TTN: variants seen among roughly 807,000 people sequenced by gnomAD.
The protein encoded by TTN is connectin.
TTN carries 1,525 observed loss-of-function variants against 3,223.0 expected under a neutral mutation model. The ratio of observed to expected loss-of-function variants is 0.47; its 90% CI spans 0.45 to 0.49. TTN has a LOEUF of 0.49. Among genes scored for constraint, TTN ranks in the 20% least tolerant of loss-of-function variants. The pLI is 0.00. For synonymous variants in TTN, 14,094 were observed against 15,161.0 expected (o/e 0.93, Z 5.17); for missense variants, 40,786 against 43,424.0 (o/e 0.94, Z 5.40).
intron 112 of TTN, among the ~76,000 whole-genome samples, chr2:178,697,678 C>T (rs1577584814): frequency 6.6e-6 from 1 of 152,268 alleles, no homozygotes; most frequent in Middle Eastern, 3.4e-3. Context: ...GGTTGCTGTA[C>T]TCTAATCTTA....
Position 178,739,722 on chromosome 2 carries a change from T to C in TTN, c.13511A>G (p.Gln4504Arg). Residue 4504 changes from glutamine to arginine, a missense_variant, in exon 48 of 363, where the codon CAA (glutamine) becomes CGA (arginine). Coordinates refer to ENST00000589042, the MANE Select transcript of TTN (RefSeq NM_001267550.2). Reference sequence around the variant, plus strand: ...ACCTGAAAAAGAATCCATTTCTTCTTGCAAACTTGTTTTGGCTCCTTGCTG... The same window carrying C: ...ACCTGAAAAAGAATCCATTTCTTCTCGCAAACTTGTTTTGGCTCCTTGCTG... ...RIQQGAKTSLQEEMDSFSGSQ... is the reference protein window; with the variant it reads ...RIQQGAKTSLREEMDSFSGSQ... 1.9e-6 allele frequency: 3 copies of C among 1,613,944 alleles called. No individual in the cohort carries two copies. Among genetic ancestry groups the C allele is most frequent in the Non-Finnish European group, 2.5e-6 (3 of 1,179,848 alleles).
rs759948047 is a variant in TTN at position 178,777,139 on chromosome 2, C to T, written c.4814+10G>A. The T allele has an allele frequency of 1.2e-6, 2 of 1,614,042 alleles. No homozygotes were observed. The highest frequency in any genetic ancestry group is 1.1e-5 in the South Asian group (1 of 91,080). On this transcript the variant is annotated intron_variant, in intron 27 of 362. Coordinates refer to ENST00000589042, the MANE Select transcript of TTN (RefSeq NM_001267550.2). ...TATAATGAGCTTAGCTTTATTATTT[C>T]CATACTTACCTGATTTTGGGATATT...
At chr2:178,594,284 T>A (rs776055083) in intron 296 of TTN, 42 bp from the exon 297 acceptor site, 1 of 1,596,436 alleles carries the variant, frequency 6.3e-7, no homozygotes, top group Non-Finnish European at 8.5e-7. Flanking sequence ...TTTATTGATG[T>A]CTTATTACAA....
chr2:178,782,556 A>C lies in TTN; in HGVS notation c.3147T>G (p.Phe1049Leu). 2 of 1,614,024 alleles carry C rather than the reference A, an allele frequency of 1.2e-6. No individual in the cohort carries two copies. Among genetic ancestry groups the C allele is most frequent in the Non-Finnish European group, 1.7e-6 (2 of 1,179,952 alleles). ...TATTTTACCGTTTCTCTTCTGTAGT[A>C]AATTTCTCAGTCACGGCTGTGGTTT... Reference protein sequence around the residue: ...EKETTAVTEKFTTEEKRFVES... With the variant: ...EKETTAVTEKLTTEEKRFVES... Residue 1049 changes from phenylalanine to leucine, a missense_variant, in exon 19 of 363, where the codon TTT becomes TTG. Coordinates refer to ENST00000589042, the MANE Select transcript of TTN (RefSeq NM_001267550.2).
Position 178,740,886 on chromosome 2 carries a change from G to A in TTN, c.12347C>T (p.Ser4116Phe). ...AGTGAGCTTGTCTTGCTCCAAAATG[G>A]ATTGCAATTCCTGAGCTCCCAAAGG... The part of the protein sequence containing the change: ...QLPLGAQELQ[S>F]ILEQDKLTPE... The change falls in exon 48 of 363, where the codon TCC becomes TTC. Residue 4116 changes from serine to phenylalanine, a missense_variant. Ser to Phe is a radical substitution (Grantham distance 155). Coordinates refer to ENST00000589042, the MANE Select transcript of TTN (RefSeq NM_001267550.2). The A allele has an allele frequency of 6.2e-7, 1 of 1,613,892 alleles. No homozygotes were observed. The highest frequency in any genetic ancestry group is 8.5e-7 in the Non-Finnish European group (1 of 1,179,832).
chr2:178,609,135 C>G (rs371944210), intron 273 of TTN, 73 bp downstream of exon 273: 3 of 1,418,506 alleles, frequency 2.1e-6, no homozygotes, highest in East Asian at 2.6e-5. Context: ...TCTTTTAACT[C>G]TCTCCCAAAC....
intron 49 of TTN, among the ~76,000 whole-genome samples, chr2:178,736,814 C>T (rs2154315142): frequency 6.6e-6 from 1 of 152,270 alleles, no homozygotes; most frequent in Admixed American, 6.5e-5. Flanking sequence ...GACATTTTGA[C>T]CAGAGTGAAA....
Position 178,740,152 on chromosome 2 carries a change from T to C in TTN, c.13081A>G (p.Arg4361Gly). 6.2e-7 allele frequency: 1 copy of C among 1,613,826 alleles called. No individual in the cohort carries two copies. ...MPPDQIIESK[R>G]EPVAIKKVQE... is the part of the protein sequence containing the mutation. The stretch of plus-strand genomic sequence containing the variant: ...ACTTTCTTTATTGCCACGGGCTCTC[T>C]TTTAGACTCAATGATTTGGTCTGGG... Residue 4361 changes from arginine to glycine, a missense_variant, in exon 48 of 363, where the codon AGA becomes GGA. Transcript: ENST00000589042.
intron 126 of TTN, 127 bp from the exon 127 acceptor site, chr2:178,688,351 CA>C: frequency 1.2e-6 from 1 of 843,512 alleles, no homozygotes; most frequent in Non-Finnish European, 1.9e-6. Flanking sequence ...GGTACTTCCT[CA>C]CTATAAGAAG....
rs1204851576 is a variant in TTN, at chr2:178,530,341, C to G, written c.106274G>C (p.Gly35425Ala). The G allele has an allele frequency of 6.2e-7, 1 of 1,613,888 alleles. No homozygotes were observed. ...PISSKPVIVT[G>A]LQDTTVSSDS... ...TGAAGAAACAGTTGTATCCTGCAAC[C>G]CAGTAACAATTACTGGTTTTGAGGA... is the stretch of plus-strand genomic sequence containing the variant. Residue 35425 changes from glycine to alanine, a missense_variant, in exon 358 of 363, where the codon GGG becomes GCG. Transcript: ENST00000589042.
Position 178,672,240 on chromosome 2 carries a change from G to C in TTN, c.34958C>G (p.Ser11653Ter), listed in dbSNP as rs1427639532. ...KGRTVLEEKV[S>*]VAFRQEVVVK... ...TACTACTTCTTGGCGGAAGGCAACT[G>C]ATACTTTTTCTTCAAGGACAGTTCT... Residue 11653 changes from serine to a stop codon, truncating the protein, a stop_gained, in exon 155 of 363, where the codon TCA (serine) becomes TGA (stop). Coordinates refer to ENST00000589042, the MANE Select transcript of TTN (RefSeq NM_001267550.2). LOFTEE classifies it high-confidence loss of function. 6.4e-7 allele frequency: 1 copy of C among 1,571,004 alleles called. No individual in the cohort carries two copies. The highest frequency in any genetic ancestry group is 1.4e-5 in the African/African-American group (1 of 73,196).
rs1060503960 is a variant in TTN at position 178,725,759 on chromosome 2, T to C, written c.20554+9A>G. 1 of 1,571,148 alleles carries C rather than the reference T, an allele frequency of 6.4e-7. No individual in the cohort carries two copies. Among genetic ancestry groups the C allele is most frequent in the Non-Finnish European group, 8.6e-7 (1 of 1,156,864 alleles). On this transcript the variant is annotated intron_variant, in intron 70 of 362. Coordinates refer to ENST00000589042, the MANE Select transcript of TTN (RefSeq NM_001267550.2). The stretch of plus-strand genomic sequence containing the variant: ...TGACATTTCTGCCATGTGGATGAAC[T>C]ATATTTACCTTTCAATTTTACAGTA...
chr2:178,581,254 C>T (rs896299683), intron 316 of TTN, among the ~76,000 whole-genome samples: 9 of 152,018 alleles, frequency 5.9e-5, no homozygotes, highest in Admixed American at 5.9e-4. Flanking sequence ...TCTCTCATTT[C>T]ATGTCTTTTG....
At chr2:178,750,713 G>C (rs562676088) in intron 47 of TTN, 1 of 1,612,714 alleles carries the variant, frequency 6.2e-7, no homozygotes, top group Admixed American at 1.7e-5. Flanking sequence ...TCTTTCACTA[G>C]CTATTTCTTC....
intron 44 of TTN, chr2:178,758,730 G>A: frequency 5.8e-6 from 3 of 514,520 alleles, no homozygotes; most frequent in Non-Finnish European, 1.1e-5. Context: ...CATGACAGCT[G>A]GTGACAGCAG....
Position 178,558,376 on chromosome 2 carries a change from T to G in TTN, c.87083A>C (p.Glu29028Ala). 1 of 1,613,492 alleles carries G rather than the reference T, an allele frequency of 6.2e-7. No homozygotes were observed. The highest frequency in any genetic ancestry group is 8.5e-7 in the Non-Finnish European group (1 of 1,179,746). ...CTTAATAAGAACAGGAAGCAGAAGCTCTCTCGGGTCACTCAGGCCAGCTTG... is the reference window on the plus strand; with the variant it reads ...CTTAATAAGAACAGGAAGCAGAAGCGCTCTCGGGTCACTCAGGCCAGCTTG... ...ENQAGLSDPRELLLPVLIKEQ... is the reference protein window; with the variant it reads ...ENQAGLSDPRALLLPVLIKEQ... Residue 29028 changes from glutamate to alanine, a missense_variant, in exon 327 of 363, where the codon GAG becomes GCG. Physicochemically the swap from Glu to Ala is moderately radical, Grantham distance 107. Transcript: ENST00000589042.
In TTN at chr2:178,572,829, G is replaced by A. The variant is rs200028088; in HGVS notation, c.73303C>T (p.Arg24435Cys). 1.2e-4 allele frequency: 186 copies of A among 1,613,332 alleles called. 1 individual carries two copies. Among genetic ancestry groups the A allele is most frequent in the Admixed American group, 3.3e-4 (20 of 59,990 alleles). Residue 24435 changes from arginine to cysteine, a missense_variant, in exon 326 of 363, where the codon CGC becomes TGC. Arg to Cys is a radical substitution (Grantham distance 180). Coordinates refer to ENST00000589042, the MANE Select transcript of TTN (RefSeq NM_001267550.2). ...CAGGCCCTTATAGTAACAACTTTGC[G>A]CAGGTCAGCATCCAGTTCAATTTCT... Reference protein sequence around the residue: ...PPEIELDADLRKVVTIRACCT... With the variant: ...PPEIELDADLCKVVTIRACCT...
rs1060500448 is a variant in TTN, at chr2:178,775,099, T to A, written c.6612A>T (p.Lys2204Asn). The A allele has an allele frequency of 3.7e-6, 6 of 1,613,932 alleles. No homozygotes were observed. The Admixed American group carries it at 1.0e-4, about 27-fold the overall frequency. ...FECETSEPFV[K>N]VKWYKDGMEV... ...CCATACCATCTTTATACCATTTCAC[T>A]TTGACAAATGGTTCTGAAGTTTCAC... The change falls in exon 29 of 363, where the codon AAA (lysine) becomes AAT (asparagine). Residue 2204 changes from lysine (K) to asparagine (N), a missense_variant. Transcript: ENST00000589042.
Position 178,713,309 on chromosome 2 carries a change from G to A in TTN, c.26825C>T (p.Ser8942Leu). Residue 8942 changes from serine (S) to leucine (L), a missense_variant, in exon 93 of 363, where the codon TCA becomes TTA. Ser to Leu is a moderately radical substitution (Grantham distance 145). Transcript: ENST00000589042. ...ATAGACTTTACACTCCATTACAACTGAGGAGCCGGATAGACCATTTGTCTC... is the reference window on the plus strand; with the variant it reads ...ATAGACTTTACACTCCATTACAACTAAGGAGCCGGATAGACCATTTGTCTC... ...LKETNGLSGS[S>L]VVMECKVYGS... The A allele has an allele frequency of 6.3e-7, 1 of 1,589,774 alleles. No homozygotes were observed. The highest frequency in any genetic ancestry group is 8.6e-7 in the Non-Finnish European group (1 of 1,166,720).
Sources: allele counts gnomAD v4.1 joint callset (sites outside exome capture counted in the v4.1 genomes callset), GRCh38; gene constraint gnomAD v4.1.1; transcripts MANE v1.5; gene names NCBI Gene and HGNC (gene_info 2026-07-23, HGNC 2026-07-21).